Variants in IL1RAPL1 observed in about 807,000 individuals in gnomAD.
The protein encoded by IL1RAPL1 is interleukin-1 receptor accessory protein-like 1.
In IL1RAPL1, 3 loss-of-function variants were observed where a neutral mutation model predicts 48.4. The observed-to-expected ratio is 0.06, with a 90% CI of 0.03 to 0.16. IL1RAPL1 has a LOEUF of 0.16. IL1RAPL1 is among the 10% of genes least tolerant of loss of function. IL1RAPL1 has a pLI of 1.00. For synonymous variants in IL1RAPL1, 185 were observed against 187.7 expected (o/e 0.99, Z 0.12); for missense variants, 349 against 530.6 (o/e 0.66, Z 3.36).
intron 6 of IL1RAPL1, among the ~76,000 whole-genome samples, chrX:29,714,552 A>G (rs1927432830): frequency 8.9e-6 from 1 of 112,065 alleles, no homozygotes; most frequent in Non-Finnish European, 1.9e-5. Context: ...AGCACATTTT[A>G]TATGATATTT....
intron 5 of IL1RAPL1, among the ~76,000 whole-genome samples, chrX:29,541,683 A>C (rs142667166): frequency 0.012 from 1,323 of 112,013 alleles, 11 homozygotes; most frequent in Middle Eastern, 0.028. Context: ...TTAGTGCAGT[A>C]ACAGAAAACC....
chrX:28,596,728 G>A (rs903883661), intron 1 of IL1RAPL1, among the ~76,000 whole-genome samples: 1 of 111,703 alleles, frequency 9.0e-6, no homozygotes, highest in Non-Finnish European at 1.9e-5. Flanking sequence ...TAAATGCTAT[G>A]TAAATAGTTG....
intron 2 of IL1RAPL1, among the ~76,000 whole-genome samples, chrX:28,792,583 C>T (rs183799899): frequency 1.5e-4 from 16 of 104,445 alleles, no homozygotes; most frequent in African/African-American, 3.8e-4. Context: ...GTCAGGAGAT[C>T]GAGACCATCC....
chrX:29,753,672 C>G (rs1030395499), intron 6 of IL1RAPL1, among the ~76,000 whole-genome samples: 2 of 111,378 alleles, frequency 1.8e-5, no homozygotes, highest in African/African-American at 6.5e-5. Flanking sequence ...CACTTCCCAG[C>G]ATGGAATGAC....
rs1188784969 is a variant in IL1RAPL1, at chrX:29,022,011, A to G, written c.82+232586A>G. On this transcript the variant is annotated intron_variant, in intron 2 of 10. Transcript: ENST00000378993. ...TAAACTCCCAGCAAAAGTAGAGAAAAGGTTAATTACCCCTTTCTGCACTTT... is the reference window on the plus strand; with the variant it reads ...TAAACTCCCAGCAAAAGTAGAGAAAGGGTTAATTACCCCTTTCTGCACTTT... Among the ~76,000 whole-genome samples the G allele has an allele frequency of 3.6e-5, 4 of 111,891 alleles. No individual in the cohort carries two copies. The Admixed American group carries it at 3.8e-4, about 11-fold the overall frequency.
intron 2 of IL1RAPL1, among the ~76,000 whole-genome samples, chrX:28,814,758 T>C (rs937402595): frequency 1.0e-5 from 1 of 95,817 alleles, no homozygotes; most frequent in East Asian, 3.3e-4. Flanking sequence ...TATTTTTATT[T>C]CCCCTCTTTT....
chrX:29,550,458 C>G (rs929334446), intron 5 of IL1RAPL1, among the ~76,000 whole-genome samples: 1 of 111,935 alleles, frequency 8.9e-6, no homozygotes, highest in African/African-American at 3.2e-5. Context: ...GGATTGCAGG[C>G]GTGAGCCACT....
chrX:29,502,433 T>G (rs1215675009), intron 5 of IL1RAPL1, among the ~76,000 whole-genome samples: 1 of 111,752 alleles, frequency 8.9e-6, no homozygotes, highest in Non-Finnish European at 1.9e-5. Flanking sequence ...TCTCACTTAG[T>G]ACAATATTAG....
intron 5 of IL1RAPL1, among the ~76,000 whole-genome samples, chrX:29,528,278 G>A (rs1194352868): frequency 8.9e-6 from 1 of 112,360 alleles, no homozygotes; most frequent in East Asian, 2.8e-4. Context: ...ATATCAGCTG[G>A]ATAAACTATA....
chrX:28,931,865 G>A (rs1008657479), intron 2 of IL1RAPL1, among the ~76,000 whole-genome samples: 1 of 107,543 alleles, frequency 9.3e-6, no homozygotes, highest in Non-Finnish European at 1.9e-5. Context: ...GTGAAACCCC[G>A]TCTCTACTAA....
chrX:29,029,120 C>G (rs775303030), intron 2 of IL1RAPL1, among the ~76,000 whole-genome samples: 74 of 111,208 alleles, frequency 6.7e-4, no homozygotes, highest in African/African-American at 2.3e-3. Flanking sequence ...ATGAAACCAT[C>G]ACATTTCATG....
chrX:28,749,355 GGT>G (rs1250502785), intron 1 of IL1RAPL1, among the ~76,000 whole-genome samples: 1 of 111,051 alleles, frequency 9.0e-6, no homozygotes, highest in East Asian at 2.8e-4. Context: ...TTTCATAATG[GGT>G]GTACCAATTT....
intron 2 of IL1RAPL1, among the ~76,000 whole-genome samples, chrX:29,121,645 A>G (rs999666972): frequency 1.8e-5 from 2 of 112,258 alleles, no homozygotes; most frequent in African/African-American, 3.2e-5. Context: ...CTGATCCTAG[A>G]CAGAAAAGGT....
intron 6 of IL1RAPL1, among the ~76,000 whole-genome samples, chrX:29,709,626 C>A (rs1457656914): frequency 1.8e-5 from 2 of 111,039 alleles, no homozygotes; most frequent in Non-Finnish European, 3.8e-5. Flanking sequence ...TCTTTTTGCT[C>A]ATGTTTGCTT....
At chrX:29,001,427 T>G (rs1472234451) in intron 2 of IL1RAPL1, among the ~76,000 whole-genome samples, 2 of 111,548 alleles carry the variant, frequency 1.8e-5, no homozygotes, top group African/African-American at 6.5e-5. Flanking sequence ...GCCCAAGTCT[T>G]CTAGTATAAT....
chrX:29,812,198 C>T (rs1930395718), intron 6 of IL1RAPL1, among the ~76,000 whole-genome samples: 1 of 112,133 alleles, frequency 8.9e-6, no homozygotes, highest in Admixed American at 9.5e-5. Context: ...GTTGTTTACA[C>T]TGTGGTAATA....
chrX:28,949,812 T>A (rs1924403939), intron 2 of IL1RAPL1, among the ~76,000 whole-genome samples: 1 of 110,115 alleles, frequency 9.1e-6, no homozygotes, highest in Admixed American at 9.7e-5. Flanking sequence ...TAAATTTGTT[T>A]GAGTTCATTG....
At chrX:28,653,007 C>G (rs189941660) in intron 1 of IL1RAPL1, among the ~76,000 whole-genome samples, 1 of 111,333 alleles carries the variant, frequency 9.0e-6, no homozygotes, top group Admixed American at 9.6e-5. Context: ...AGAAGACACG[C>G]GCAGGTAGAG....
chrX:29,062,903 A>AAT (rs1466324767), intron 2 of IL1RAPL1, among the ~76,000 whole-genome samples: 2 of 111,637 alleles, frequency 1.8e-5, no homozygotes, highest in African/African-American at 6.5e-5. Context: ...AGTCTCATTT[A>AAT]TTTTCTAAGC....
Sources: gnomAD v4.1 joint callset for allele counts (sites outside exome capture counted in the v4.1 genomes callset) on GRCh38, gnomAD v4.1.1 for gene constraint, MANE v1.5 for transcripts, NCBI Gene and HGNC (gene_info 2026-07-23, HGNC 2026-07-21) for gene names.